Variants in CHAT observed in about 807,000 individuals in gnomAD.
CHAT encodes the protein acetyl CoA:choline O-acetyltransferase.
CHAT carries 61 observed loss-of-function variants against 76.9 expected under a neutral mutation model. The ratio of observed to expected loss-of-function variants is 0.79; its 90% CI spans 0.65 to 0.98. The LOEUF is 0.98. Among genes scored for constraint, CHAT ranks in the 50% least tolerant of loss-of-function variants. The pLI is 0.00. For synonymous variants in CHAT, 407 were observed against 397.4 expected (o/e 1.02, Z -0.29); for missense variants, 946 against 986.9 (o/e 0.96, Z 0.56).
intron 14 of CHAT, 138 bp downstream of exon 14, chr10:49,662,920 G>A: frequency 4.6e-6 from 5 of 1,093,532 alleles, no homozygotes; most frequent in Non-Finnish European, 7.0e-6. Flanking sequence ...TCAGCAAAAT[G>A]ATCTGAATGT....
chr10:49,614,495 T>TG lies in CHAT; in HGVS notation c.286+23dup. The TG allele has an allele frequency of 1.4e-6, 2 of 1,404,784 alleles. No individual in the cohort carries two copies. Among genetic ancestry groups the TG allele is most frequent in the Non-Finnish European group, 1.9e-6 (2 of 1,062,216 alleles). The allele number at this position is 1,404,784 out of a possible 1,614,324, so 87.0% of individuals were successfully genotyped here. ...GAGCAGGTGAGAAGAAGGGCTGGGCTGGGCTGGCGGAGCGCGGTGCCGGGA... is the reference window on the plus strand; with the variant it reads ...GAGCAGGTGAGAAGAAGGGCTGGGCTGGGGCTGGCGGAGCGCGGTGCCGGGA... On this transcript the variant is annotated intron_variant, in intron 1 of 14. Transcript: ENST00000337653.
chr10:49,632,316 A>T (rs1375624844), intron 7 of CHAT, among the ~76,000 whole-genome samples: 1 of 151,990 alleles, frequency 6.6e-6, no homozygotes, highest in Non-Finnish European at 1.5e-5. Flanking sequence ...TGGCCTGGGG[A>T]GTGGGGTGAT....
At position 49,662,778 on chromosome 10, in the gene CHAT, G is replaced by A. The variant is rs138105397; in HGVS notation, c.1973G>A (p.Ser658Asn). The A allele has an allele frequency of 6.2e-7, 1 of 1,614,214 alleles. No individual in the cohort carries two copies. The highest frequency in any genetic ancestry group is 8.5e-7 in the Non-Finnish European group (1 of 1,180,042). Residue 658 changes from serine (S) to asparagine (N), a missense_variant, in exon 14 of 15, where the codon AGC becomes AAC. Physicochemically the swap from Ser to Asn is conservative, Grantham distance 46 (BLOSUM62 1). This residue lies in a region of CHAT where 349 missense variants were observed against 393.9 expected (regional missense o/e 0.89). Transcript: ENST00000337653. ...LMSNRFVLSTSQVPTTTEMFC... is the reference protein window; with the variant it reads ...LMSNRFVLSTNQVPTTTEMFC... ...AGCAACCGGTTTGTCCTCTCCACTA[G>A]CCAGGTACGGCCCCGTGCAGCTATC... is the stretch of plus-strand genomic sequence containing the variant.
chr10:49,632,909 C>T (rs766463801), intron 7 of CHAT, among the ~76,000 whole-genome samples: 1 of 152,254 alleles, frequency 6.6e-6, no homozygotes, highest in African/African-American at 2.4e-5. Context: ...TCAGCTCCAG[C>T]TCAGACATGG....
At chr10:49,619,269 CA>C (rs1432890436) in intron 2 of CHAT, among the ~76,000 whole-genome samples, 1 of 152,200 alleles carries the variant, frequency 6.6e-6, no homozygotes, top group Non-Finnish European at 1.5e-5. Context: ...CAGCAGCCAA[CA>C]ATATCAATAA....
At chr10:49,645,098 C>G (rs1324253706) in intron 7 of CHAT, among the ~76,000 whole-genome samples, 2 of 152,176 alleles carry the variant, frequency 1.3e-5, no homozygotes, top group Non-Finnish European at 2.9e-5. Flanking sequence ...CTGGTTACCC[C>G]TAGCTGTAAG....
chr10:49,620,904 C>T (rs961967579), intron 4 of CHAT, among the ~76,000 whole-genome samples: 1 of 152,216 alleles, frequency 6.6e-6, no homozygotes, highest in Non-Finnish European at 1.5e-5. Context: ...TGGCTGAGGC[C>T]CTGGGAGGAG....
At chr10:49,639,531 G>GTA (rs1284232710) in intron 7 of CHAT, among the ~76,000 whole-genome samples, 6 of 39,820 alleles carry the variant, frequency 1.5e-4, no homozygotes, top group African/African-American at 4.5e-4. Flanking sequence ...TATATATATA[G>GTA]TATATATATA....
chr10:49,614,419 A>G lies in CHAT; in HGVS notation c.230A>G (p.His77Arg), dbSNP rs1158850299. Residue 77 changes from histidine (H) to arginine (R), a missense_variant, in exon 1 of 15, where the codon CAC (histidine) becomes CGC (arginine). By Grantham distance (29) the His-to-Arg change is conservative. Transcript: ENST00000337653. Reference protein sequence around the residue: ...PPPLPAHTPAHTPEWCGAASA... With the variant: ...PPPLPAHTPARTPEWCGAASA... ...CCCCTTCCGGCTCACACCCCCGCCC[A>G]CACTCCTGAGTGGTGCGGTGCAGCG... 15 of 1,547,038 alleles carry G rather than the reference A, an allele frequency of 9.7e-6. No homozygotes were observed. The highest frequency in any genetic ancestry group is 1.3e-5 in the Non-Finnish European group (15 of 1,146,456).
At position 49,667,134 on chromosome 10, in the gene CHAT, C is replaced by T. The variant is rs1468097894; in HGVS notation, c.*2088C>T. Among the ~76,000 whole-genome samples, 3 of 152,166 alleles carry T rather than the reference C, an allele frequency of 2.0e-5. No individual in the cohort carries two copies. Among genetic ancestry groups the T allele is most frequent in the Non-Finnish European group, 4.4e-5 (3 of 68,026 alleles). ...TGTGTCAAGGACCTTGCTGGGTCAA[C>T]AATTCATTTGCCTTTGTCTGGAGTC... On this transcript the variant is annotated 3_prime_UTR_variant, in exon 15 of 15. Transcript: ENST00000337653.
In CHAT at chr10:49,662,712, A is replaced by G. The variant is rs755269798; in HGVS notation, c.1907A>G (p.Lys636Arg). The change falls in exon 14 of 15, where the codon AAG becomes AGG. Residue 636 changes from lysine to arginine, a missense_variant. Coordinates refer to ENST00000337653, the MANE Select transcript of CHAT (RefSeq NM_020549.5). The stretch of plus-strand genomic sequence containing the variant: ...CGGGAGCTGGCCCGGGCCATGTGCA[A>G]GGAGCTGCCCGAGATGTTCATGGAT... ...ALRELARAMC[K>R]ELPEMFMDET... 2 of 1,614,236 alleles carry G rather than the reference A, an allele frequency of 1.2e-6. No individual in the cohort carries two copies. The highest frequency in any genetic ancestry group is 2.2e-5 in the South Asian group (2 of 91,084).
At chr10:49,659,596 T>A (rs1840130311) in intron 13 of CHAT, among the ~76,000 whole-genome samples, 4 of 152,218 alleles carry the variant, frequency 2.6e-5, no homozygotes, top group Admixed American at 1.3e-4. Flanking sequence ...GCACAGTGGC[T>A]CATGCCTGTA....
At position 49,665,521 on chromosome 10, in the gene CHAT, G is replaced by C. The variant is rs1420314278; in HGVS notation, c.*475G>C. On this transcript the variant is annotated 3_prime_UTR_variant, in exon 15 of 15. Transcript: ENST00000337653. Reference sequence around the variant, plus strand: ...TTTCTTTTTTGGGGGAGAGGAGGCTGTGTTTTGAGATTCAGAGCATTCTTA... The same window carrying C: ...TTTCTTTTTTGGGGGAGAGGAGGCTCTGTTTTGAGATTCAGAGCATTCTTA... Among the ~76,000 whole-genome samples, 1 of 152,080 alleles carries C rather than the reference G, an allele frequency of 6.6e-6. No homozygotes were observed. Among genetic ancestry groups the C allele is most frequent in the African/African-American group, 2.4e-5 (1 of 41,404 alleles).
chr10:49,643,652 T>A (rs2132789064), intron 7 of CHAT, among the ~76,000 whole-genome samples: 1 of 152,198 alleles, frequency 6.6e-6, no homozygotes, highest in African/African-American at 2.4e-5. Flanking sequence ...CACTCCCCCA[T>A]CAATTCATGA....
chr10:49,610,800 T>A (rs1352245802), upstream of CHAT: 1 of 1,591,458 alleles, frequency 6.3e-7, no homozygotes, highest in Non-Finnish European at 8.6e-7. Context: ...TGTCGGAGGC[T>A]GTGGGCGCGG....
rs1838975036 is a variant in CHAT, at chr10:49,627,747, G to A, written c.1073G>A (p.Arg358Lys). 5 of 1,613,914 alleles carry A rather than the reference G, an allele frequency of 3.1e-6. No homozygotes were observed. Among genetic ancestry groups the A allele is most frequent in the South Asian group, 1.1e-5 (1 of 91,086 alleles). Residue 358 changes from arginine to lysine, a missense_variant, in exon 7 of 15, where the codon AGG becomes AAG. By Grantham distance (26) the Arg-to-Lys change is conservative. This residue lies in a region of CHAT where 548 missense variants were observed against 516.2 expected (regional missense o/e 1.06). Transcript: ENST00000337653. ...ATTGGCCTGCTGACGTCTGACGGGAGGAGCGAGTGGGCCGAGGCCAGGACG... is the reference window on the plus strand; with the variant it reads ...ATTGGCCTGCTGACGTCTGACGGGAAGAGCGAGTGGGCCGAGGCCAGGACG... ...PPIGLLTSDG[R>K]SEWAEARTVL...
At position 49,640,779 on chromosome 10, in the gene CHAT, A is replaced by G. The variant is rs1275107942; in HGVS notation, c.1112-5726A>G. On this transcript the variant is annotated intron_variant, in intron 7 of 14. Coordinates refer to ENST00000337653, the MANE Select transcript of CHAT (RefSeq NM_020549.5). ...GGCTGAAGTAGAACGCTTATTACCT[A>G]AAAGTTTTATGTCTTGCTATTCTGA... Among the ~76,000 whole-genome samples the G allele has an allele frequency of 2.0e-5, 3 of 152,156 alleles. No homozygotes were observed. The East Asian group carries it at 5.8e-4, about 29-fold the overall frequency.
intron 2 of CHAT, among the ~76,000 whole-genome samples, chr10:49,618,233 A>C (rs1838571422): frequency 6.6e-6 from 1 of 152,238 alleles, no homozygotes. Context: ...GATCAGCTAG[A>C]TTCTGGAGCC....
intron 4 of CHAT, 72 bp downstream of exon 4, chr10:49,620,685 C>A (rs1838674574): frequency 8.3e-7 from 1 of 1,205,214 alleles, no homozygotes. Flanking sequence ...CCAGTGCCAG[C>A]AAAGAAAGGC....
Sources: allele counts gnomAD v4.1 joint callset (sites outside exome capture counted in the v4.1 genomes callset), GRCh38; gene constraint gnomAD v4.1.1; regional missense constraint gnomAD v4.1.1; transcripts MANE v1.5; gene names NCBI Gene and HGNC (gene_info 2026-07-23, HGNC 2026-07-21).